The following VPS13B variants were observed in gnomAD, a reference collection of about 807,000 sequenced individuals.
The protein encoded by VPS13B is vacuolar protein sorting 13 homolog B.
Under a neutral mutation model 426.4 loss-of-function variants are expected in VPS13B, and 285 were observed. The ratio of observed to expected loss-of-function variants is 0.67; its 90% CI spans 0.61 to 0.74. The LOEUF (loss-of-function observed/expected upper bound fraction) is 0.74, where lower values mean the gene tolerates loss of function less well. Among genes scored for constraint, VPS13B ranks in the 30% least tolerant of loss-of-function variants. The pLI is 0.00. For synonymous variants in VPS13B, 1,676 were observed against 1,676.4 expected (o/e 1.00, Z 0.01); for missense variants, 4,537 against 4,782.6 (o/e 0.95, Z 1.51).
At chr8:99,850,953 A>C (rs1816261388) in intron 55 of VPS13B, among the ~76,000 whole-genome samples, 1 of 152,178 alleles carries the variant, frequency 6.6e-6, no homozygotes, top group African/African-American at 2.4e-5. Flanking sequence ...AAACAACAAC[A>C]AAAAAAGTTT....
chr8:99,577,783 A>C lies in VPS13B; in HGVS notation c.5220+150A>C, dbSNP rs990929985. On this transcript the variant is annotated intron_variant, in intron 33 of 61. Coordinates refer to ENST00000357162, the MANE Select transcript of VPS13B (RefSeq NM_152564.5). ...TATAGTCATAAGTCATTTTGGATTG[A>C]TATTCTTTATTTTAGAAATTTGTTT... The C allele has an allele frequency of 4.8e-5, 53 of 1,111,412 alleles. No homozygotes were observed. The African/African-American group carries it at 6.8e-4, about 14-fold the overall frequency. 68.8% of individuals were successfully genotyped at this position (1,111,412 alleles called of 1,614,324 possible). A position where few individuals can be genotyped will look rare whatever the true frequency, so the allele number is the denominator to read the frequency against.
chr8:99,139,953 G>C (rs1370784843), intron 12 of VPS13B, among the ~76,000 whole-genome samples: 3 of 151,548 alleles, frequency 2.0e-5, no homozygotes, highest in Admixed American at 6.6e-5. Context: ...ATTTTATTAA[G>C]TAAATATCTA....
chr8:99,030,738 G>T (rs1178152954), intron 2 of VPS13B, among the ~76,000 whole-genome samples: 3 of 152,154 alleles, frequency 2.0e-5, no homozygotes, highest in Non-Finnish European at 4.4e-5. Context: ...GGCATTAGAG[G>T]ATGCTCGTTT....
chr8:99,326,582 A>G (rs1375996157), intron 19 of VPS13B, among the ~76,000 whole-genome samples: 1 of 143,804 alleles, frequency 7.0e-6, no homozygotes, highest in Admixed American at 7.6e-5. Flanking sequence ...TATTTTTTGT[A>G]GAGATGAGGT....
At chr8:99,569,548 C>T (rs1033268431) in intron 31 of VPS13B, among the ~76,000 whole-genome samples, 1 of 152,056 alleles carries the variant, frequency 6.6e-6, no homozygotes, top group Non-Finnish European at 1.5e-5. Flanking sequence ...CTTGGTACCA[C>T]TTTTCCTACT....
chr8:99,093,709 T>G (rs1386820134), intron 3 of VPS13B, among the ~76,000 whole-genome samples: 1 of 152,140 alleles, frequency 6.6e-6, no homozygotes, highest in East Asian at 1.9e-4. Flanking sequence ...GGACATGAAC[T>G]CATCGTTTTT....
chr8:99,152,432 G>T (rs1267425115), intron 14 of VPS13B, among the ~76,000 whole-genome samples: 1 of 152,142 alleles, frequency 6.6e-6, no homozygotes, highest in Admixed American at 6.5e-5. Flanking sequence ...CTGTGTTGGT[G>T]AATGTTCTAT....
intron 42 of VPS13B, 107 bp downstream of exon 42, chr8:99,779,138 A>C: frequency 8.9e-7 from 1 of 1,118,216 alleles, no homozygotes; most frequent in Non-Finnish European, 1.3e-6. Flanking sequence ...AAAATGTTAG[A>C]GAATGAAGAA....
intron 35 of VPS13B, among the ~76,000 whole-genome samples, chr8:99,691,941 A>G (rs920007935): frequency 1.4e-4 from 21 of 151,876 alleles, no homozygotes; most frequent in Admixed American, 6.6e-5. Flanking sequence ...CAAAAGAGAC[A>G]AAGAAGGCCA....
rs143898432 is a variant in VPS13B at position 99,557,907 on chromosome 8, A to G, written c.4949+1254A>G. 3.5e-3 allele frequency among the ~76,000 whole-genome samples: 533 copies of G among 152,294 alleles called. 4 individuals are homozygous for G. The highest frequency in any genetic ancestry group is 5.8e-3 in the Non-Finnish European group (394 of 68,022). Reference sequence around the variant, plus strand: ...AACTAGAGGTCTTTATGATTTTAAGAAAGTATTAATTATTTTTCTTCTGCT... The same window carrying G: ...AACTAGAGGTCTTTATGATTTTAAGGAAGTATTAATTATTTTTCTTCTGCT... On this transcript the variant is annotated intron_variant, in intron 31 of 61. Transcript: ENST00000357162.
intron 17 of VPS13B, 63 bp from the exon 18 acceptor site, chr8:99,274,135 T>C: frequency 6.2e-7 from 1 of 1,603,618 alleles, no homozygotes; most frequent in Non-Finnish European, 8.5e-7. Flanking sequence ...AATGCCTTGG[T>C]GAAGGAATAT....
At chr8:99,840,829 A>T (rs1371683825) in intron 54 of VPS13B, among the ~76,000 whole-genome samples, 2 of 152,216 alleles carry the variant, frequency 1.3e-5, no homozygotes, top group Admixed American at 6.5e-5. Context: ...CTACCCTCCA[A>T]TTCAGGAATT....
intron 59 of VPS13B, among the ~76,000 whole-genome samples, chr8:99,869,592 A>G (rs551464825): frequency 3.3e-5 from 5 of 152,346 alleles, no homozygotes; most frequent in East Asian, 3.9e-4. Context: ...GCTATAACCT[A>G]TAAGTGAGAA....
chr8:99,545,917 G>A (rs1200481687), intron 30 of VPS13B, among the ~76,000 whole-genome samples: 2 of 151,958 alleles, frequency 1.3e-5, no homozygotes, highest in Admixed American at 1.3e-4. Flanking sequence ...TGTAGCCCTT[G>A]TTGCTAACTA....
chr8:99,483,325 G>C (rs1335867640), intron 25 of VPS13B, among the ~76,000 whole-genome samples: 1 of 151,984 alleles, frequency 6.6e-6, no homozygotes, highest in African/African-American at 2.4e-5. Context: ...GTCTAGAAAT[G>C]AGCCTGTATC....
rs79826335 is a variant in VPS13B, at chr8:99,844,913, C to T, written c.9943-3863C>T. Among the ~76,000 whole-genome samples, 24 of 152,270 alleles carry T rather than the reference C, an allele frequency of 1.6e-4. No homozygotes were observed. In the South Asian group the frequency reaches 2.5e-3, roughly 16 times the overall value. On this transcript the variant is annotated intron_variant, in intron 54 of 61. Transcript: ENST00000357162. ...GAGCTCATCTCTTCATAAAACAAAA[C>T]GTAATGTTCCAGACACAGGCAACAG...
chr8:99,481,499 T>C, intron 24 of VPS13B, 100 bp from the exon 25 acceptor site: 1 of 1,326,430 alleles, frequency 7.5e-7, no homozygotes, highest in Non-Finnish European at 1.1e-6. Context: ...TTATAAATTT[T>C]ATTTCTCTGG....
intron 52 of VPS13B, among the ~76,000 whole-genome samples, chr8:99,833,851 G>T (rs1010883528): frequency 6.6e-6 from 1 of 152,146 alleles, no homozygotes; most frequent in Non-Finnish European, 1.5e-5. Context: ...AGCCTTCTTG[G>T]CTATCAAAAA....
intron 39 of VPS13B, among the ~76,000 whole-genome samples, chr8:99,726,407 T>TTCC (rs1236062122): frequency 1.3e-5 from 2 of 152,194 alleles, no homozygotes; most frequent in African/African-American, 4.8e-5. Flanking sequence ...ATAGTAGGTT[T>TTCC]TCCTCTCTCC....
Sources: gnomAD v4.1 joint callset for allele counts (sites outside exome capture counted in the v4.1 genomes callset) on GRCh38, gnomAD v4.1.1 for gene constraint, MANE v1.5 for transcripts, NCBI Gene and HGNC (gene_info 2026-07-23, HGNC 2026-07-21) for gene names.